Variants in CLPB observed in about 807,000 individuals in gnomAD.
CLPB encodes the protein mitochondrial disaggregase.
A neutral mutation model predicts 78.4 loss-of-function variants in CLPB; 40 were observed. The ratio of observed to expected loss-of-function variants is 0.51; its 90% CI spans 0.40 to 0.66. The LOEUF (loss-of-function observed/expected upper bound fraction) is 0.66. CLPB is among the 30% of genes least tolerant of loss of function. The pLI, the probability that CLPB is intolerant of heterozygous loss-of-function variation, is 0.00. For missense variants in CLPB, 780 were observed against 886.9 expected, an observed-to-expected ratio of 0.88 and a Z score of 1.53; for synonymous variants, 333 against 348.0, an observed-to-expected ratio of 0.96 and a Z score of 0.48.
rs1263363706 is a variant in CLPB, at chr11:72,293,320, G to T, written c.*47C>A. The T allele has an allele frequency of 1.7e-5, 27 of 1,594,190 alleles. No individual in the cohort carries two copies. The highest frequency in any genetic ancestry group is 2.2e-5 in the Non-Finnish European group (26 of 1,167,234). ...AGTCAGTTGCCATGCCACAGCCAAG[G>T]GGCCTTTATTGGATGGTGAGGGCAC... On this transcript the variant is annotated 3_prime_UTR_variant, in exon 16 of 16. Coordinates refer to ENST00000538039, the MANE Select transcript of CLPB (RefSeq NM_001258392.3).
chr11:72,421,359 T>A (rs1856192464), intron 2 of CLPB, among the ~76,000 whole-genome samples: 1 of 152,134 alleles, frequency 6.6e-6, no homozygotes, highest in Non-Finnish European at 1.5e-5. Flanking sequence ...TTCCGTGTCA[T>A]CTTATCTAAT....
chr11:72,316,763 C>T (rs1334071899), intron 7 of CLPB, among the ~76,000 whole-genome samples: 1 of 152,190 alleles, frequency 6.6e-6, no homozygotes, highest in Non-Finnish European at 1.5e-5. Context: ...CTCTGGGTCT[C>T]AATTCTCCCA....
At chr11:72,416,469 C>T (rs1856024772) in intron 2 of CLPB, among the ~76,000 whole-genome samples, 1 of 152,076 alleles carries the variant, frequency 6.6e-6, no homozygotes, top group Non-Finnish European at 1.5e-5. Flanking sequence ...GGTGCGGTGG[C>T]TCACACCTGT....
At chr11:72,379,494 T>TA (rs1470378528) in intron 4 of CLPB, among the ~76,000 whole-genome samples, 1 of 152,046 alleles carries the variant, frequency 6.6e-6, no homozygotes, top group African/African-American at 2.4e-5. Flanking sequence ...AGACACAACA[T>TA]AGACTGACTT....
intron 10 of CLPB, 136 bp downstream of exon 10, chr11:72,302,168 C>A (rs1949667876): frequency 4.9e-6 from 5 of 1,011,184 alleles, no homozygotes; most frequent in Non-Finnish European, 4.5e-6. Flanking sequence ...AAATCAGTGA[C>A]CCTGCTGCAC....
intron 5 of CLPB, among the ~76,000 whole-genome samples, chr11:72,356,052 C>T (rs1254939900): frequency 1.3e-5 from 2 of 152,002 alleles, no homozygotes; most frequent in African/African-American, 4.8e-5. Flanking sequence ...GAGGCCGAGG[C>T]GGGCGGATCA....
chr11:72,347,786 T>C (rs1950543175), intron 5 of CLPB, among the ~76,000 whole-genome samples: 1 of 152,214 alleles, frequency 6.6e-6, no homozygotes, highest in Non-Finnish European at 1.5e-5. Context: ...TGCTAATTAG[T>C]TGACTTTGAG....
chr11:72,366,822 A>G (rs947669593), intron 4 of CLPB, among the ~76,000 whole-genome samples: 1 of 152,142 alleles, frequency 6.6e-6, no homozygotes, highest in African/African-American at 2.4e-5. Flanking sequence ...CTGTTTGGAG[A>G]TTTCTCAGAG....
intron 2 of CLPB, among the ~76,000 whole-genome samples, chr11:72,423,662 C>CA (rs1455061483): frequency 2.0e-5 from 3 of 152,250 alleles, no homozygotes; most frequent in Non-Finnish European, 4.4e-5. Flanking sequence ...TATCATGTCA[C>CA]AATGTGTACC....
At chr11:72,340,311 C>T (rs1238564693) in intron 5 of CLPB, among the ~76,000 whole-genome samples, 1 of 152,142 alleles carries the variant, frequency 6.6e-6, no homozygotes, top group Non-Finnish European at 1.5e-5. Flanking sequence ...CACCAGTCCA[C>T]GACATATTGA....
rs112070888 is a variant in CLPB, at chr11:72,289,922, G to A, written c.*3445C>T. The A allele has an allele frequency of 2.0e-5, 3 of 152,180 alleles. No individual in the cohort carries two copies. The highest frequency in any genetic ancestry group is 7.2e-5 in the African/African-American group (3 of 41,504). The allele number at this position is 152,180 out of a possible 1,614,324, so 9.4% of individuals were successfully genotyped here. ...GATGGATAGAATAATAAATTCAGGT[G>A]CTTGTATTTGCATGTTTTAACATAT... On this transcript the variant is annotated 3_prime_UTR_variant, in exon 16 of 16. Coordinates refer to ENST00000538039, the MANE Select transcript of CLPB (RefSeq NM_001258392.3).
chr11:72,313,455 G>C (rs531080010), intron 7 of CLPB, among the ~76,000 whole-genome samples: 2 of 152,224 alleles, frequency 1.3e-5, no homozygotes, highest in African/African-American at 4.8e-5. Flanking sequence ...AACATTGTGC[G>C]TGAGCTCAGG....
chr11:72,349,199 G>T (rs1441654265), intron 5 of CLPB, among the ~76,000 whole-genome samples: 1 of 152,210 alleles, frequency 6.6e-6, no homozygotes, highest in Non-Finnish European at 1.5e-5. Flanking sequence ...TTGAAGCTCA[G>T]TACGGGGGAA....
intron 4 of CLPB, among the ~76,000 whole-genome samples, chr11:72,378,681 A>T (rs1278444808): frequency 6.6e-6 from 1 of 152,216 alleles, no homozygotes; most frequent in Non-Finnish European, 1.5e-5. Context: ...GAATGAGAAG[A>T]GGATGGCCCA....
At chr11:72,340,680 T>C (rs1431299703) in intron 5 of CLPB, among the ~76,000 whole-genome samples, 1 of 152,292 alleles carries the variant, frequency 6.6e-6, no homozygotes, top group East Asian at 1.9e-4. Context: ...GGGTGGACCC[T>C]AGAGAGCTCT....
At chr11:72,346,988 TAAAA>T (rs60688188) in intron 5 of CLPB, among the ~76,000 whole-genome samples, 1 of 60,184 alleles carries the variant, frequency 1.7e-5, no homozygotes, top group Non-Finnish European at 3.8e-5. Context: ...TCTCAAAAAT[TAAAA>T]AAAAAAAAAA....
intron 3 of CLPB, among the ~76,000 whole-genome samples, chr11:72,381,231 G>C (rs1348950394): frequency 1.3e-5 from 2 of 152,116 alleles, no homozygotes; most frequent in Non-Finnish European, 2.9e-5. Context: ...ACACTCATGG[G>C]GGAAGGAGAG....
intron 4 of CLPB, chr11:72,373,117 C>T (rs1951075216): frequency 2.1e-6 from 2 of 940,382 alleles, no homozygotes; most frequent in Non-Finnish European, 3.4e-6. Flanking sequence ...GTTCCAAGCC[C>T]TCTACCCCCA....
In CLPB at chr11:72,358,922, G is replaced by C. The variant is rs752382011; in HGVS notation, c.733C>G (p.Leu245Val). 6.2e-7 allele frequency: 1 copy of C among 1,611,134 alleles called. No individual in the cohort carries two copies. Among genetic ancestry groups the C allele is most frequent in the East Asian group, 2.2e-5 (1 of 44,708 alleles). The stretch of plus-strand genomic sequence containing the variant: ...TTGACAGTGCGGTAGTCATCAGCAA[G>C]AACAGCATAGTGCAAGGCCGTGCAG... ...KGCTALHYAVLADDYRTVKEL... is the reference protein window; with the variant it reads ...KGCTALHYAVVADDYRTVKEL... The change falls in exon 5 of 16, where the codon CTT becomes GTT. Residue 245 changes from leucine (L) to valine (V), a missense_variant. Leu to Val is a conservative substitution (Grantham distance 32). Coordinates refer to ENST00000538039, the MANE Select transcript of CLPB (RefSeq NM_001258392.3).
Sources: gnomAD v4.1 joint callset for allele counts (sites outside exome capture counted in the v4.1 genomes callset) on GRCh38, gnomAD v4.1.1 for gene constraint, MANE v1.5 for transcripts, NCBI Gene and HGNC (gene_info 2026-07-23, HGNC 2026-07-21) for gene names.